The following SLCO5A1 variants were observed in gnomAD, a reference collection of about 807,000 sequenced individuals.
SLCO5A1 encodes the protein solute carrier organic anion transporter family member 5A1.
A neutral mutation model predicts 65.1 loss-of-function variants in SLCO5A1; 39 were observed. That is an observed-to-expected ratio of 0.60 (90% confidence interval 0.46 to 0.78). SLCO5A1 has a LOEUF of 0.78. SLCO5A1 is among the 30% of genes least tolerant of loss of function. The pLI, the probability that SLCO5A1 is intolerant of heterozygous loss-of-function variation, is 0.00. For synonymous variants in SLCO5A1, 438 were observed against 415.7 expected (o/e 1.05, Z -0.65); for missense variants, 1,029 against 1,069.4 (o/e 0.96, Z 0.53).
At position 69,713,479 on chromosome 8, in the gene SLCO5A1, G is replaced by A. The variant is rs1340937696; in HGVS notation, c.1424-8250C>T. On this transcript the variant is annotated intron_variant, in intron 5 of 9. Coordinates refer to ENST00000260126, the MANE Select transcript of SLCO5A1 (RefSeq NM_030958.3). ...TCTCCCTCCCTCCTCCCTTTTTTGT[G>A]TGTGTGCAAGTGCACACCCACACAC... The A allele has an allele frequency of 4.6e-5, 7 of 150,940 alleles. No individual in the cohort carries two copies. The East Asian group carries it at 1.4e-3, about 29-fold the overall frequency. The allele number at this position is 150,940 out of a possible 1,614,324, so 9.4% of individuals were successfully genotyped here. A position where few individuals can be genotyped will look rare whatever the true frequency, so the allele number is the denominator to read the frequency against.
intron 2 of SLCO5A1, among the ~76,000 whole-genome samples, chr8:69,815,262 A>T (rs13439378): frequency 6.6e-6 from 1 of 152,166 alleles, no homozygotes; most frequent in African/African-American, 2.4e-5. Context: ...TGTACCCATA[A>T]ATTTATGCTG....
At chr8:69,821,818 A>AAAAAG (rs1263929372) in intron 2 of SLCO5A1, among the ~76,000 whole-genome samples, 5 of 149,074 alleles carry the variant, frequency 3.4e-5, no homozygotes, top group Admixed American at 1.3e-4. Flanking sequence ...AAAAAAAAAA[A>AAAAAG]AAAAGAAAAG....
At chr8:69,795,032 A>G (rs1264287317) in intron 2 of SLCO5A1, among the ~76,000 whole-genome samples, 3 of 152,328 alleles carry the variant, frequency 2.0e-5, no homozygotes, top group Non-Finnish European at 4.4e-5. Context: ...TAAACCATTC[A>G]TGAGGGACAA....
intron 2 of SLCO5A1, among the ~76,000 whole-genome samples, chr8:69,803,652 G>A (rs746275159): frequency 5.3e-5 from 8 of 152,188 alleles, no homozygotes; most frequent in Non-Finnish European, 1.2e-4. Flanking sequence ...GTGGAGCCCA[G>A]CAATCTGGGT....
intron 2 of SLCO5A1, among the ~76,000 whole-genome samples, chr8:69,819,571 G>A (rs1014189282): frequency 6.6e-6 from 1 of 152,128 alleles, no homozygotes; most frequent in Non-Finnish European, 1.5e-5. Flanking sequence ...TGGGGAAAGA[G>A]GTGCTATTTA....
chr8:69,722,732 C>G lies in SLCO5A1; in HGVS notation c.1423+15308G>C, dbSNP rs560575971. Among the ~76,000 whole-genome samples the G allele has an allele frequency of 4.0e-5, 6 of 151,750 alleles. No individual in the cohort carries two copies. In the South Asian group the frequency reaches 1.2e-3, roughly 31 times the overall value. On this transcript the variant is annotated intron_variant, in intron 5 of 9. Transcript: ENST00000260126. ...GTTACACTGTCTCCTAAAACAAACT[C>G]AGATCTTCAAGACAAAAATGATGAG... is the stretch of plus-strand genomic sequence containing the variant.
intron 5 of SLCO5A1, among the ~76,000 whole-genome samples, chr8:69,721,511 C>G (rs915639358): frequency 2.6e-5 from 4 of 152,206 alleles, no homozygotes; most frequent in African/African-American, 9.6e-5. Context: ...AGACTGTTAT[C>G]TGATTCTAAA....
At chr8:69,825,942 A>T (rs932426479) in intron 2 of SLCO5A1, among the ~76,000 whole-genome samples, 2 of 152,252 alleles carry the variant, frequency 1.3e-5, no homozygotes, top group Admixed American at 6.5e-5. Context: ...ATATAGATCA[A>T]TGGAACAGAA....
chr8:69,829,183 C>T (rs1309757391), intron 2 of SLCO5A1, among the ~76,000 whole-genome samples: 3 of 152,174 alleles, frequency 2.0e-5, no homozygotes, highest in Non-Finnish European at 4.4e-5. Context: ...TAATATAAAA[C>T]ACCCAGCATT....
At chr8:69,731,147 G>A (rs565763384) in intron 5 of SLCO5A1, among the ~76,000 whole-genome samples, 3 of 152,062 alleles carry the variant, frequency 2.0e-5, no homozygotes, top group Admixed American at 2.0e-4. Flanking sequence ...TTATAGGCAC[G>A]TGTCACCACG....
chr8:69,778,299 T>G (rs901588266), intron 2 of SLCO5A1, among the ~76,000 whole-genome samples: 1 of 151,796 alleles, frequency 6.6e-6, no homozygotes, highest in African/African-American at 2.4e-5. Context: ...GTATATTTAA[T>G]TATGTACAGT....
rs1455771820 is a variant in SLCO5A1, at chr8:69,669,944, C to T, written c.*2925G>A. 2 of 152,102 alleles carry T rather than the reference C, an allele frequency of 1.3e-5. No individual in the cohort carries two copies. Among genetic ancestry groups the T allele is most frequent in the African/African-American group, 2.4e-5 (1 of 41,420 alleles). 9.4% of individuals were successfully genotyped at this position (152,102 alleles called of 1,614,324 possible). A position where few individuals can be genotyped will look rare whatever the true frequency, so the allele number is the denominator to read the frequency against. On this transcript the variant is annotated 3_prime_UTR_variant, in exon 10 of 10. Transcript: ENST00000260126. Reference sequence around the variant, plus strand: ...CTCAACAAATGCTAATTTTTTTCCTCTCTGTTCCTCCTTTCTCTCCATCCC... The same window carrying T: ...CTCAACAAATGCTAATTTTTTTCCTTTCTGTTCCTCCTTTCTCTCCATCCC...
intron 2 of SLCO5A1, among the ~76,000 whole-genome samples, chr8:69,807,829 G>A (rs1335016090): frequency 1.3e-5 from 2 of 151,926 alleles, no homozygotes; most frequent in African/African-American, 2.4e-5. Context: ...TCAGCCTCCC[G>A]AGTAGCTGGG....
chr8:69,685,680 T>A (rs955279444), intron 6 of SLCO5A1, among the ~76,000 whole-genome samples: 2 of 152,026 alleles, frequency 1.3e-5, no homozygotes, highest in Non-Finnish European at 2.9e-5. Context: ...GATGGAGGGA[T>A]CTCTGAGATT....
At position 69,830,834 on chromosome 8, in the gene SLCO5A1, T is replaced by C. The variant is rs116915458; in HGVS notation, c.907+933A>G. Among the ~76,000 whole-genome samples the C allele has an allele frequency of 6.7e-3, 1,014 of 152,334 alleles. 7 individuals carry two copies. Among genetic ancestry groups the C allele is most frequent in the Middle Eastern group, 0.027 (8 of 294 alleles). On this transcript the variant is annotated intron_variant, in intron 2 of 9. Transcript: ENST00000260126. Reference sequence around the variant, plus strand: ...CCACGGCTTTTCAGAAAAATAGGAATGGATTCTTCTCCCAAGTTCATACAA... The same window carrying C: ...CCACGGCTTTTCAGAAAAATAGGAACGGATTCTTCTCCCAAGTTCATACAA...
intron 5 of SLCO5A1, among the ~76,000 whole-genome samples, chr8:69,736,985 T>C (rs1816586614): frequency 6.6e-6 from 1 of 152,218 alleles, no homozygotes; most frequent in Admixed American, 6.5e-5. Context: ...TTTACCTTAA[T>C]ATAGGAAATC....
At chr8:69,708,939 G>A (rs538327764) in intron 5 of SLCO5A1, among the ~76,000 whole-genome samples, 7 of 152,158 alleles carry the variant, frequency 4.6e-5, no homozygotes, top group Admixed American at 4.6e-4. Flanking sequence ...AAACCAAGGA[G>A]AGAGTTTCAA....
chr8:69,722,443 A>G (rs988568371), intron 5 of SLCO5A1, among the ~76,000 whole-genome samples: 2 of 152,224 alleles, frequency 1.3e-5, no homozygotes, highest in African/African-American at 4.8e-5. Context: ...GAGTACTTCA[A>G]GTCTTGAAGT....
At chr8:69,714,506 C>A (rs1283710125) in intron 5 of SLCO5A1, among the ~76,000 whole-genome samples, 3 of 152,126 alleles carry the variant, frequency 2.0e-5, no homozygotes, top group Non-Finnish European at 4.4e-5. Context: ...AGCTGCTGCA[C>A]CCCAGCTGTC....
Sources: allele counts gnomAD v4.1 joint callset (sites outside exome capture counted in the v4.1 genomes callset), GRCh38; gene constraint gnomAD v4.1.1; transcripts MANE v1.5; gene names NCBI Gene and HGNC (gene_info 2026-07-23, HGNC 2026-07-21).